The following SLCO6A1 variants were observed in gnomAD, a reference collection of about 807,000 sequenced individuals.
The protein encoded by SLCO6A1 is cancer/testis antigen 48.
SLCO6A1 carries 65 observed loss-of-function variants against 72.7 expected under a neutral mutation model. The observed-to-expected ratio is 0.89, with a 90% CI of 0.73 to 1.10. The LOEUF (loss-of-function observed/expected upper bound fraction) is 1.10. Ranked by LOEUF, SLCO6A1 falls within the 50% of genes least tolerant of loss-of-function variation. SLCO6A1 has a pLI of 0.00. For synonymous variants in SLCO6A1, 314 were observed against 298.2 expected (o/e 1.05, Z -0.55); for missense variants, 874 against 872.6 (o/e 1.00, Z -0.02).
intron 8 of SLCO6A1, among the ~76,000 whole-genome samples, chr5:102,413,794 T>C (rs1288246519): frequency 6.6e-6 from 1 of 152,184 alleles, no homozygotes; most frequent in Non-Finnish European, 1.5e-5. Context: ...TTTAAAAAAA[T>C]GTTAGACATT....
At chr5:102,453,246 C>A (rs1422202116) in intron 6 of SLCO6A1, among the ~76,000 whole-genome samples, 1 of 151,558 alleles carries the variant, frequency 6.6e-6, no homozygotes. Flanking sequence ...ACGGTCCCAG[C>A]TACTCAGGGG....
At chr5:102,433,219 G>C (rs1749316941) in intron 7 of SLCO6A1, among the ~76,000 whole-genome samples, 1 of 152,086 alleles carries the variant, frequency 6.6e-6, no homozygotes, top group Admixed American at 6.5e-5. Flanking sequence ...ACGTTCCCCT[G>C]AATCTTGATT....
At chr5:102,430,449 T>A (rs1749152120) in intron 7 of SLCO6A1, among the ~76,000 whole-genome samples, 1 of 152,156 alleles carries the variant, frequency 6.6e-6, no homozygotes, top group South Asian at 2.1e-4. Context: ...CATAGATGGC[T>A]CTTATTATTT....
In SLCO6A1 at chr5:102,397,379, T is replaced by G. The variant is rs141198876; in HGVS notation, c.1814+2176A>C. 4.1e-3 allele frequency among the ~76,000 whole-genome samples: 631 copies of G among 152,298 alleles called. 10 individuals carry two copies. Among genetic ancestry groups the G allele is most frequent in the African/African-American group, 0.015 (607 of 41,556 alleles). On this transcript the variant is annotated intron_variant, in intron 10 of 13. Transcript: ENST00000506729. ...CTTCTATTGATATAGTAGACTTAAA[T>G]ATGACTTCTATGTGTAGTAACACTT...
intron 4 of SLCO6A1, among the ~76,000 whole-genome samples, chr5:102,463,053 T>C (rs1215796808): frequency 6.6e-6 from 1 of 151,834 alleles, no homozygotes; most frequent in Non-Finnish European, 1.5e-5. Flanking sequence ...CAGAATCAAC[T>C]AGGAATTCAA....
intron 4 of SLCO6A1, among the ~76,000 whole-genome samples, chr5:102,460,760 G>C (rs1017364032): frequency 3.3e-5 from 5 of 151,766 alleles, no homozygotes; most frequent in African/African-American, 1.2e-4. Flanking sequence ...TACAGACCTT[G>C]TTTCTCATAG....
intron 1 of SLCO6A1, among the ~76,000 whole-genome samples, chr5:102,496,275 G>A (rs1011678695): frequency 4.6e-5 from 7 of 152,086 alleles, no homozygotes; most frequent in African/African-American, 1.7e-4. Flanking sequence ...ACAGGAAGCA[G>A]GTATTGTTTG....
At chr5:102,435,431 A>T (rs558985619) in intron 7 of SLCO6A1, among the ~76,000 whole-genome samples, 131 of 152,324 alleles carry the variant, frequency 8.6e-4, no homozygotes, top group African/African-American at 3.1e-3. Context: ...ATTGTTACCC[A>T]ACGTGCCTCC....
chr5:102,484,278 T>A (rs1396853018), intron 1 of SLCO6A1, among the ~76,000 whole-genome samples: 1 of 152,190 alleles, frequency 6.6e-6, no homozygotes, highest in Admixed American at 6.5e-5. Context: ...AATTCCAGAT[T>A]TCCATCTTTG....
chr5:102,450,628 C>T (rs1381810289), intron 6 of SLCO6A1, among the ~76,000 whole-genome samples: 1 of 152,218 alleles, frequency 6.6e-6, no homozygotes, highest in Non-Finnish European at 1.5e-5. Context: ...AAGCTGATGC[C>T]TTTTCTTCCC....
chr5:102,462,388 C>G (rs1428186334), intron 4 of SLCO6A1, among the ~76,000 whole-genome samples: 1 of 152,048 alleles, frequency 6.6e-6, no homozygotes, highest in Non-Finnish European at 1.5e-5. Context: ...AAAAACAATC[C>G]TAAAATTCAC....
chr5:102,400,665 T>C (rs1214753933), intron 9 of SLCO6A1, among the ~76,000 whole-genome samples: 1 of 152,106 alleles, frequency 6.6e-6, no homozygotes, highest in Non-Finnish European at 1.5e-5. Context: ...ACAATAAATT[T>C]AGCAGAAATA....
chr5:102,411,183 C>T (rs1747956798), intron 9 of SLCO6A1, among the ~76,000 whole-genome samples: 1 of 152,042 alleles, frequency 6.6e-6, no homozygotes, highest in South Asian at 2.1e-4. Context: ...GAGTTCCCCA[C>T]TGCTTTAAAA....
intron 5 of SLCO6A1, 74 bp from the exon 6 acceptor site, chr5:102,458,565 AC>A: frequency 4.4e-6 from 4 of 905,460 alleles, no homozygotes; most frequent in Non-Finnish European, 6.8e-6. Flanking sequence ...CTACATACAC[AC>A]CCTAATAAAT....
intron 4 of SLCO6A1, among the ~76,000 whole-genome samples, chr5:102,469,274 C>T (rs1370960646): frequency 6.6e-5 from 10 of 151,978 alleles, no homozygotes; most frequent in Non-Finnish European, 1.5e-5. Flanking sequence ...TTTCACGATA[C>T]TGATTCTTCC....
At chr5:102,477,578 T>A in intron 3 of SLCO6A1, 98 bp downstream of exon 3, 1 of 910,430 alleles carries the variant, frequency 1.1e-6, no homozygotes, top group Non-Finnish European at 1.7e-6. Flanking sequence ...AATGTTATCA[T>A]AAGGGCCAAT....
intron 12 of SLCO6A1, among the ~76,000 whole-genome samples, chr5:102,380,709 T>C (rs1291905892): frequency 6.6e-6 from 1 of 152,028 alleles, no homozygotes. Context: ...ATGTAAAATT[T>C]GCCTACTGTG....
chr5:102,434,990 A>C (rs1249849931), intron 7 of SLCO6A1, among the ~76,000 whole-genome samples: 1 of 152,224 alleles, frequency 6.6e-6, no homozygotes, highest in Non-Finnish European at 1.5e-5. Context: ...AAAGTGCAGT[A>C]CATAATTTCT....
intron 7 of SLCO6A1, among the ~76,000 whole-genome samples, chr5:102,427,864 ATTT>A (rs1200200259): frequency 0.018 from 1,355 of 75,668 alleles, 4 homozygotes; most frequent in South Asian, 0.033. Flanking sequence ...ATATATATAT[ATTT>A]TTTTTTTTTT....
Sources: gnomAD v4.1 joint callset for allele counts (sites outside exome capture counted in the v4.1 genomes callset) on GRCh38, gnomAD v4.1.1 for gene constraint, MANE v1.5 for transcripts, NCBI Gene and HGNC (gene_info 2026-07-23, HGNC 2026-07-21) for gene names.